AKAP11: variants seen among roughly 807,000 people sequenced by gnomAD.
AKAP11 encodes A-kinase anchoring protein 11.
Under a neutral mutation model 146.1 loss-of-function variants are expected in AKAP11, and 36 were observed. That is an observed-to-expected ratio of 0.25 (90% CI 0.19 to 0.33). The LOEUF (loss-of-function observed/expected upper bound fraction) is 0.33, where lower values mean the gene tolerates loss of function less well. Among genes scored for constraint, AKAP11 ranks in the 10% least tolerant of loss-of-function variants. The probability of loss-of-function intolerance (pLI) is 1.00; values close to 1 mark genes in which losing one functional copy is unlikely to be tolerated. For missense variants in AKAP11, 2,201 were observed against 2,197.0 expected (o/e 1.00, Z -0.04); for synonymous variants, 780 against 786.5 (o/e 0.99, Z 0.14).
At position 42,302,490 on chromosome 13, in the gene AKAP11, C is replaced by T. The variant is rs778812189; in HGVS notation, c.3744C>T (p.Pro1248=). Residue 1248 remains proline, a synonymous_variant, in exon 8 of 13, where the codon CCC becomes CCT. Coordinates refer to ENST00000025301, the MANE Select transcript of AKAP11 (RefSeq NM_016248.4). ...QRSVSPTFLN[P]SDENLKTLCN... ...GTGTGTCGCCTACTTTTTTAAACCC[C>T]TCAGACGAAAATTTGAAAACATTAT... The T allele has an allele frequency of 3.1e-6, 5 of 1,614,006 alleles. No individual in the cohort carries two copies. The highest frequency in any genetic ancestry group is 4.2e-6 in the Non-Finnish European group (5 of 1,180,022).
At chr13:42,294,498 G>T (rs1228390759) in intron 4 of AKAP11, among the ~76,000 whole-genome samples, 2 of 152,022 alleles carry the variant, frequency 1.3e-5, no homozygotes, top group African/African-American at 4.8e-5. Context: ...CACCTCCAGG[G>T]TTCAAGTGAT....
chr13:42,314,791 A>G (rs1399575904), intron 11 of AKAP11, among the ~76,000 whole-genome samples: 1 of 152,146 alleles, frequency 6.6e-6, no homozygotes, highest in Admixed American at 6.5e-5. Flanking sequence ...GAAAATACTC[A>G]GATCCTTCCT....
intron 7 of AKAP11, among the ~76,000 whole-genome samples, chr13:42,299,073 A>G (rs1959689439): frequency 6.6e-6 from 1 of 152,112 alleles, no homozygotes; most frequent in African/African-American, 2.4e-5. Context: ...CTAGGTTCCA[A>G]TTTTGGAAGA....
At chr13:42,293,415 G>C (rs915010668) in intron 4 of AKAP11, among the ~76,000 whole-genome samples, 2 of 152,074 alleles carry the variant, frequency 1.3e-5, no homozygotes, top group African/African-American at 4.8e-5. Flanking sequence ...TTCTCTATTT[G>C]ACGTCATTTC....
At chr13:42,316,229 T>C (rs1057339187) in intron 11 of AKAP11, among the ~76,000 whole-genome samples, 3 of 152,182 alleles carry the variant, frequency 2.0e-5, no homozygotes, top group African/African-American at 7.2e-5. Context: ...TAATTAATAG[T>C]GGTCTAGAAT....
intron 1 of AKAP11, among the ~76,000 whole-genome samples, chr13:42,279,163 C>G (rs995652886): frequency 3.9e-5 from 6 of 151,972 alleles, no homozygotes; most frequent in African/African-American, 1.5e-4. Context: ...TTGGTACTGT[C>G]AGTTTACGGT....
intron 1 of AKAP11, among the ~76,000 whole-genome samples, chr13:42,272,547 T>A (rs1958799589): frequency 1.3e-5 from 2 of 152,104 alleles, no homozygotes; most frequent in East Asian, 3.9e-4. Context: ...GACAGGCTGT[T>A]TCCATCCCCG....
intron 1 of AKAP11, among the ~76,000 whole-genome samples, chr13:42,277,369 C>G (rs1958948837): frequency 6.6e-6 from 1 of 152,164 alleles, no homozygotes; most frequent in African/African-American, 2.4e-5. Flanking sequence ...TAACAATGGA[C>G]CGTTGCATGT....
Position 42,308,617 on chromosome 13 carries a change from C to A in AKAP11, c.5273+8C>A. ...TCATCATCTAAGTGAAAGGTAACTA[C>A]ACTTTTGCATATAATTGTGTAGTTT... On this transcript the variant is annotated splice_region_variant and intron_variant, in intron 9 of 12. Coordinates refer to ENST00000025301, the MANE Select transcript of AKAP11 (RefSeq NM_016248.4). The A allele has an allele frequency of 6.2e-7, 1 of 1,609,090 alleles. No individual in the cohort carries two copies. The highest frequency in any genetic ancestry group is 8.5e-7 in the Non-Finnish European group (1 of 1,176,906).
At chr13:42,279,698 T>TC in intron 1 of AKAP11, among the ~76,000 whole-genome samples, 1 of 152,328 alleles carries the variant, frequency 6.6e-6, no homozygotes, top group Non-Finnish European at 1.5e-5. Context: ...TGCCTTTTTT[T>TC]CTCTTGGTTA....
rs9594723 is a variant in AKAP11, at chr13:42,283,146, C to T, written c.-99-2840C>T. On this transcript the variant is annotated intron_variant, in intron 1 of 12. Transcript: ENST00000025301. ...TTTACAAAAGTATGTCATATCATCTCATATTGGATTCACTTTTATGTTGCA... is the reference window on the plus strand; with the variant it reads ...TTTACAAAAGTATGTCATATCATCTTATATTGGATTCACTTTTATGTTGCA... Among the ~76,000 whole-genome samples the T allele has an allele frequency of 2.7e-3, 417 of 152,254 alleles. 1 individual carries two copies. Among genetic ancestry groups the T allele is most frequent in the African/African-American group, 9.1e-3 (378 of 41,538 alleles).
chr13:42,293,040 T>C (rs1959289979), intron 4 of AKAP11, among the ~76,000 whole-genome samples: 4 of 152,242 alleles, frequency 2.6e-5, no homozygotes, highest in Admixed American at 2.6e-4. Context: ...TGTTTGAATT[T>C]ATTATTATAA....
chr13:42,284,923 G>GA (rs1216806481), intron 1 of AKAP11, among the ~76,000 whole-genome samples: 13 of 152,270 alleles, frequency 8.5e-5, no homozygotes, highest in Non-Finnish European at 1.6e-4. Context: ...TTGTTATAGA[G>GA]ACCACTAGGG....
chr13:42,273,357 AT>A lies in AKAP11; in HGVS notation c.-100+1143del, dbSNP rs540410601. ...TCAGTTAAAATAGTGCAATTGAATG[AT>A]TTTTTTTTTTTTTGAAAAACACATT... is the stretch of plus-strand genomic sequence containing the variant. On this transcript the variant is annotated intron_variant, in intron 1 of 12. Transcript: ENST00000025301. 7.3e-3 allele frequency among the ~76,000 whole-genome samples: 1,045 copies of A among 143,342 alleles called. 15 individuals are homozygous for A. Among genetic ancestry groups the A allele is most frequent in the East Asian group, 0.05 (249 of 4,964 alleles). 94.0% of individuals were successfully genotyped at this position (143,342 alleles called of 152,430 possible).
chr13:42,298,457 T>C, intron 6 of AKAP11, 76 bp from the exon 7 acceptor site: 9 of 1,476,106 alleles, frequency 6.1e-6, no homozygotes, highest in Non-Finnish European at 8.3e-6. Flanking sequence ...TGAGATTGTC[T>C]TATATCTAGG....
rs1430165475 is a variant in AKAP11 at position 42,301,492 on chromosome 13, C to G, written c.2746C>G (p.Pro916Ala). 1 of 1,613,598 alleles carries G rather than the reference C, an allele frequency of 6.2e-7. No individual in the cohort carries two copies. Among genetic ancestry groups the G allele is most frequent in the East Asian group, 2.2e-5 (1 of 44,890 alleles). The change falls in exon 8 of 13, where the codon CCT becomes GCT. Residue 916 changes from proline to alanine, a missense_variant. Coordinates refer to ENST00000025301, the MANE Select transcript of AKAP11 (RefSeq NM_016248.4). The part of the protein sequence containing the change: ...YLTKSLKEKT[P>A]PFSHCDQAVL... Reference sequence around the variant, plus strand: ...AACTAAATCTTTAAAGGAGAAAACCCCTCCATTTTCCCACTGTGATCAGGC... The same window carrying G: ...AACTAAATCTTTAAAGGAGAAAACCGCTCCATTTTCCCACTGTGATCAGGC...
At position 42,300,324 on chromosome 13, in the gene AKAP11, A is replaced by C. The variant is rs755302052; in HGVS notation, c.1578A>C (p.Val526=). ...NSIKHGENKT[V]TFKHGNLDQK... is the part of the protein sequence containing the mutation. ...TTAAACATGGAGAAAATAAAACTGT[A>C]ACTTTTAAGCATGGAAACCTTGATC... Residue 526 remains valine, a synonymous_variant, in exon 8 of 13, where the codon GTA becomes GTC. Coordinates refer to ENST00000025301, the MANE Select transcript of AKAP11 (RefSeq NM_016248.4). 6.2e-7 allele frequency: 1 copy of C among 1,611,094 alleles called. No individual in the cohort carries two copies. The highest frequency in any genetic ancestry group is 8.5e-7 in the Non-Finnish European group (1 of 1,178,770).
intron 4 of AKAP11, among the ~76,000 whole-genome samples, chr13:42,293,612 A>G (rs1344595685): frequency 6.6e-6 from 1 of 152,194 alleles, no homozygotes; most frequent in African/African-American, 2.4e-5. Context: ...GGCCTAATAC[A>G]TATGCTCATC....
intron 1 of AKAP11, among the ~76,000 whole-genome samples, chr13:42,274,244 A>T (rs1403480797): frequency 6.6e-6 from 1 of 152,160 alleles, no homozygotes; most frequent in African/African-American, 2.4e-5. Context: ...GAAAAGCTTT[A>T]AGTTAAGCCT....
Sources: allele counts gnomAD v4.1 joint callset (sites outside exome capture counted in the v4.1 genomes callset), GRCh38; gene constraint gnomAD v4.1.1; transcripts MANE v1.5; gene names NCBI Gene and HGNC (gene_info 2026-07-23, HGNC 2026-07-21).